Variants in AGBL4 observed in about 807,000 individuals in gnomAD.
AGBL4 encodes cytosolic carboxypeptidase 6.
In AGBL4, 58 loss-of-function variants were observed where a neutral mutation model predicts 66.4. The observed-to-expected ratio is 0.87, with a 90% CI of 0.71 to 1.09. AGBL4 has a LOEUF of 1.09. Ranked by LOEUF, AGBL4 falls within the 50% of genes least tolerant of loss-of-function variation. AGBL4 has a pLI of 0.00. For synonymous variants in AGBL4, 234 were observed against 222.9 expected (o/e 1.05, Z -0.44); for missense variants, 579 against 631.0 (o/e 0.92, Z 0.88).
chr1:48,776,719 TAC>T, intron 6 of AGBL4: 1 of 1,527,400 alleles, frequency 6.5e-7, no homozygotes, highest in Non-Finnish European at 8.8e-7. Context: ...GTACACGGCG[TAC>T]ACCTTCTGGT....
chr1:49,387,290 T>C (rs552317402), intron 3 of AGBL4, among the ~76,000 whole-genome samples: 9 of 152,058 alleles, frequency 5.9e-5, no homozygotes, highest in African/African-American at 1.9e-4. Context: ...AGGTATACAT[T>C]ACACCACTCC....
At chr1:48,978,845 G>C (rs1195414830) in intron 5 of AGBL4, among the ~76,000 whole-genome samples, 1 of 152,084 alleles carries the variant, frequency 6.6e-6, no homozygotes, top group Non-Finnish European at 1.5e-5. Context: ...TTAATTAATA[G>C]CTGCAATGTT....
intron 1 of AGBL4, among the ~76,000 whole-genome samples, chr1:49,942,555 C>T (rs991166469): frequency 6.6e-6 from 1 of 152,036 alleles, no homozygotes; most frequent in African/African-American, 2.4e-5. Flanking sequence ...TGATGTTCAA[C>T]AAAGGTGTCA....
chr1:49,335,795 G>A (rs1344272804), intron 3 of AGBL4, among the ~76,000 whole-genome samples: 4 of 152,110 alleles, frequency 2.6e-5, no homozygotes, highest in Non-Finnish European at 4.4e-5. Context: ...GATTATAGGC[G>A]TGAGCCACCG....
At chr1:48,808,730 C>T (rs886136050) in intron 6 of AGBL4, among the ~76,000 whole-genome samples, 1 of 152,168 alleles carries the variant, frequency 6.6e-6, no homozygotes, top group South Asian at 2.1e-4. Flanking sequence ...CCATGGCCAG[C>T]GAGTCAGCAC....
intron 5 of AGBL4, among the ~76,000 whole-genome samples, chr1:49,039,467 C>T (rs1421926540): frequency 1.3e-5 from 2 of 151,958 alleles, no homozygotes; most frequent in East Asian, 3.9e-4. Flanking sequence ...ATTTCTGTAC[C>T]TTCCTCTCAA....
chr1:49,700,541 T>C (rs1647071754), intron 2 of AGBL4, among the ~76,000 whole-genome samples: 1 of 152,102 alleles, frequency 6.6e-6, no homozygotes. Context: ...ACATTACATT[T>C]ATAGAACTAA....
At chr1:49,775,724 T>A (rs1440172289) in intron 2 of AGBL4, among the ~76,000 whole-genome samples, 1 of 152,108 alleles carries the variant, frequency 6.6e-6, no homozygotes, top group Non-Finnish European at 1.5e-5. Flanking sequence ...CAGTGTCTTA[T>A]ACATCATAGA....
At chr1:49,081,378 G>GTTT (rs1644805956) in intron 4 of AGBL4, among the ~76,000 whole-genome samples, 2 of 152,180 alleles carry the variant, frequency 1.3e-5, no homozygotes, top group Admixed American at 1.3e-4. Flanking sequence ...CTGAGCCTCA[G>GTTT]TTTCTTTGTC....
At chr1:49,850,908 T>C (rs1646286679) in intron 2 of AGBL4, among the ~76,000 whole-genome samples, 1 of 152,114 alleles carries the variant, frequency 6.6e-6, no homozygotes, top group Non-Finnish European at 1.5e-5. Flanking sequence ...TCATCTCCAC[T>C]ATCAGAACAC....
intron 4 of AGBL4, among the ~76,000 whole-genome samples, chr1:49,200,165 C>T (rs1336316961): frequency 6.6e-6 from 1 of 152,158 alleles, no homozygotes; most frequent in African/African-American, 2.4e-5. Context: ...GCCTGCTCAC[C>T]ACTTAATTTG....
rs531992090 is a variant in AGBL4, at chr1:49,726,015, G to T, written c.158-28578C>A. Reference sequence around the variant, plus strand: ...GATTTAGAGTTTCAGATCTTAAGTGGCTTATAGTCTGAGGGCTGGTGGGGG... The same window carrying T: ...GATTTAGAGTTTCAGATCTTAAGTGTCTTATAGTCTGAGGGCTGGTGGGGG... On this transcript the variant is annotated intron_variant, in intron 2 of 13. Coordinates refer to ENST00000371839, the MANE Select transcript of AGBL4 (RefSeq NM_032785.4). Among the ~76,000 whole-genome samples the T allele has an allele frequency of 2.6e-5, 4 of 152,128 alleles. No individual in the cohort carries two copies. The South Asian group carries it at 8.3e-4, about 32-fold the overall frequency.
chr1:48,932,471 C>T (rs1180602954), intron 5 of AGBL4, among the ~76,000 whole-genome samples: 2 of 152,010 alleles, frequency 1.3e-5, no homozygotes, highest in Admixed American at 6.6e-5. Context: ...GTCAAAAGAC[C>T]AGAGATGCTC....
At chr1:49,500,354 G>A (rs1648026129) in intron 3 of AGBL4, among the ~76,000 whole-genome samples, 3 of 150,676 alleles carry the variant, frequency 2.0e-5, no homozygotes, top group Admixed American at 6.6e-5. Context: ...TATTTATTTT[G>A]CTGTGCAGAA....
At chr1:48,561,475 C>A (rs1337091751) in intron 11 of AGBL4, among the ~76,000 whole-genome samples, 1 of 152,176 alleles carries the variant, frequency 6.6e-6, no homozygotes, top group Non-Finnish European at 1.5e-5. Context: ...GTCTCAAGAG[C>A]CAATTAACCC....
At chr1:49,537,559 A>C (rs889015764) in intron 3 of AGBL4, among the ~76,000 whole-genome samples, 2 of 152,228 alleles carry the variant, frequency 1.3e-5, no homozygotes, top group Non-Finnish European at 2.9e-5. Context: ...AATGTTCAAC[A>C]TCACTAATCA....
intron 3 of AGBL4, among the ~76,000 whole-genome samples, chr1:49,462,606 A>G (rs1557963426): frequency 6.6e-6 from 1 of 151,790 alleles, no homozygotes; most frequent in Non-Finnish European, 1.5e-5. Context: ...AGCTTGGATT[A>G]AAAGCATTAA....
intron 5 of AGBL4, among the ~76,000 whole-genome samples, chr1:49,008,382 C>G (rs1439421707): frequency 6.6e-6 from 1 of 151,766 alleles, no homozygotes; most frequent in African/African-American, 2.4e-5. Flanking sequence ...TAAAGCAAGT[C>G]CTGAGTGACT....
chr1:49,415,452 A>C (rs1223190404), intron 3 of AGBL4, among the ~76,000 whole-genome samples: 1 of 152,168 alleles, frequency 6.6e-6, no homozygotes, highest in Non-Finnish European at 1.5e-5. Context: ...GTGTTAGAAT[A>C]GAAAAAGCAT....
Sources: gnomAD v4.1 joint callset for allele counts (sites outside exome capture counted in the v4.1 genomes callset) on GRCh38, gnomAD v4.1.1 for gene constraint, MANE v1.5 for transcripts, NCBI Gene and HGNC (gene_info 2026-07-23, HGNC 2026-07-21) for gene names.